The following GMDS variants were observed in gnomAD, a reference collection of about 807,000 sequenced individuals.
The protein encoded by GMDS is GDP-mannose 4,6 dehydratase.
In GMDS, 20 loss-of-function variants were observed where a neutral mutation model predicts 49.9. The observed-to-expected ratio is 0.40, with a 90% CI of 0.28 to 0.58. The LOEUF (loss-of-function observed/expected upper bound fraction) is 0.58, where lower values mean the gene tolerates loss of function less well. Among genes scored for constraint, GMDS ranks in the 20% least tolerant of loss-of-function variants. The probability of loss-of-function intolerance (pLI) is 0.42; values close to 1 mark genes in which losing one functional copy is unlikely to be tolerated. For missense variants in GMDS, 362 were observed against 481.4 expected, an observed-to-expected ratio of 0.75 and a Z score of 2.32; for synonymous variants, 177 against 178.6, an observed-to-expected ratio of 0.99 and a Z score of 0.07.
intron 1 of GMDS, among the ~76,000 whole-genome samples, chr6:2,229,308 A>G (rs1216138473): frequency 1.3e-5 from 2 of 151,414 alleles, no homozygotes; most frequent in Non-Finnish European, 2.9e-5. Flanking sequence ...ATGGTGATTC[A>G]TGCCTGTAAT....
At chr6:1,711,937 C>A (rs1765981474) in intron 9 of GMDS, among the ~76,000 whole-genome samples, 1 of 152,210 alleles carries the variant, frequency 6.6e-6, no homozygotes. Context: ...ACCAGCCGAA[C>A]ATGCCCCCCA....
chr6:2,119,638 G>A (rs746650658), intron 2 of GMDS, among the ~76,000 whole-genome samples: 3 of 152,118 alleles, frequency 2.0e-5, no homozygotes, highest in Non-Finnish European at 4.4e-5. Context: ...AAGGGATGTA[G>A]GTAGAGCTTT....
intron 4 of GMDS, among the ~76,000 whole-genome samples, chr6:2,057,508 T>A (rs576539333): frequency 6.6e-6 from 1 of 152,338 alleles, no homozygotes; most frequent in South Asian, 2.1e-4. Flanking sequence ...TAATGTTGAA[T>A]TACTCATGTC....
In GMDS at chr6:1,674,733, A is replaced by G. The variant is rs1361431905; in HGVS notation, c.988-50193T>C. Among the ~76,000 whole-genome samples, 14 of 147,874 alleles carry G rather than the reference A, an allele frequency of 9.5e-5. No individual in the cohort carries two copies. In the Admixed American group the frequency reaches 9.5e-4, roughly 10 times the overall value. Reference sequence around the variant, plus strand: ...CAGCTAATTTTTTTTTTTTTTTAATAGAGATGGATTTTTACCATGTTGCCC... The same window carrying G: ...CAGCTAATTTTTTTTTTTTTTTAATGGAGATGGATTTTTACCATGTTGCCC... On this transcript the variant is annotated intron_variant, in intron 9 of 10. Transcript: ENST00000380815.
chr6:2,134,022 A>G (rs2127520983), intron 1 of GMDS, among the ~76,000 whole-genome samples: 1 of 152,234 alleles, frequency 6.6e-6, no homozygotes, highest in East Asian at 1.9e-4. Flanking sequence ...CTGCCACCCA[A>G]AGAAGGTATC....
intron 7 of GMDS, among the ~76,000 whole-genome samples, chr6:1,896,923 G>A (rs572331170): frequency 6.6e-6 from 1 of 152,210 alleles, no homozygotes; most frequent in Non-Finnish European, 1.5e-5. Context: ...GGGAAGGACA[G>A]GGCTCACTGT....
chr6:1,747,533 G>A (rs1767557441), intron 7 of GMDS, among the ~76,000 whole-genome samples: 1 of 151,478 alleles, frequency 6.6e-6, no homozygotes, highest in Admixed American at 6.6e-5. Flanking sequence ...CGCATTTCAG[G>A]GGAGAACATG....
rs1387299159 is a variant in GMDS, at chr6:2,003,450, C to T, written c.346-42484G>A. Among the ~76,000 whole-genome samples, 3 of 152,102 alleles carry T rather than the reference C, an allele frequency of 2.0e-5. No homozygotes were observed. In the East Asian group the frequency reaches 5.8e-4, roughly 29 times the overall value. On this transcript the variant is annotated intron_variant, in intron 4 of 10. Transcript: ENST00000380815. Reference sequence around the variant, plus strand: ...TAGTGTAAACAATCTGCCCATTAAACCATAAATTTAGCAAGCACTTGTCAT... The same window carrying T: ...TAGTGTAAACAATCTGCCCATTAAATCATAAATTTAGCAAGCACTTGTCAT...
intron 7 of GMDS, among the ~76,000 whole-genome samples, chr6:1,797,031 G>A (rs1769763490): frequency 6.6e-6 from 1 of 152,164 alleles, no homozygotes; most frequent in African/African-American, 2.4e-5. Context: ...CCCAGGCCAG[G>A]GACCAGTACC....
chr6:2,158,894 T>C (rs780069412), intron 1 of GMDS, among the ~76,000 whole-genome samples: 1 of 152,232 alleles, frequency 6.6e-6, no homozygotes, highest in South Asian at 2.1e-4. Context: ...GCCAAGTTCT[T>C]AGCTGTTTTT....
At chr6:1,772,111 T>C (rs1768602736) in intron 7 of GMDS, among the ~76,000 whole-genome samples, 2 of 152,238 alleles carry the variant, frequency 1.3e-5, no homozygotes, top group Admixed American at 6.5e-5. Flanking sequence ...TGTCCAAGTA[T>C]ACACTGCCCT....
intron 4 of GMDS, among the ~76,000 whole-genome samples, chr6:2,018,580 T>C (rs1419568325): frequency 6.6e-6 from 1 of 152,202 alleles, no homozygotes; most frequent in Non-Finnish European, 1.5e-5. Context: ...TTCATATTAA[T>C]GGAATCATAA....
intron 9 of GMDS, among the ~76,000 whole-genome samples, chr6:1,668,571 G>A (rs1160341965): frequency 6.6e-6 from 1 of 152,104 alleles, no homozygotes; most frequent in Middle Eastern, 3.2e-3. Flanking sequence ...TTAGCTGGGT[G>A]TGGTGGTGCA....
intron 1 of GMDS, among the ~76,000 whole-genome samples, chr6:2,212,062 AG>A (rs1250625297): frequency 7.2e-5 from 11 of 152,248 alleles, no homozygotes; most frequent in South Asian, 2.1e-4. Flanking sequence ...TTAATGTCAT[AG>A]TACCTATTTG....
intron 7 of GMDS, among the ~76,000 whole-genome samples, chr6:1,795,227 C>A (rs1244859834): frequency 6.6e-6 from 1 of 152,058 alleles, no homozygotes; most frequent in East Asian, 1.9e-4. Flanking sequence ...TCATCATCAT[C>A]AAAAATGAAT....
At chr6:1,704,430 G>A (rs1178915572) in intron 9 of GMDS, among the ~76,000 whole-genome samples, 1 of 152,146 alleles carries the variant, frequency 6.6e-6, no homozygotes, top group African/African-American at 2.4e-5. Context: ...GAGCAAGAGC[G>A]TGTCTGTGAG....
intron 1 of GMDS, among the ~76,000 whole-genome samples, chr6:2,202,807 G>C (rs765442520): frequency 3.3e-5 from 5 of 152,144 alleles, no homozygotes; most frequent in African/African-American, 7.2e-5. Flanking sequence ...CCTGGTTCTG[G>C]ACCACAGTGG....
intron 1 of GMDS, among the ~76,000 whole-genome samples, chr6:2,240,626 G>C (rs904050788): frequency 7.0e-6 from 1 of 142,434 alleles, no homozygotes; most frequent in Non-Finnish European, 1.5e-5. Flanking sequence ...AAAAAGAAAA[G>C]AAAAAGAAAA....
chr6:1,788,478 T>C (rs530189563), intron 7 of GMDS, among the ~76,000 whole-genome samples: 2 of 152,284 alleles, frequency 1.3e-5, no homozygotes, highest in Non-Finnish European at 2.9e-5. Context: ...GGCAGAAATG[T>C]CTGGGAAGAT....
Sources: gnomAD v4.1 joint callset for allele counts (sites outside exome capture counted in the v4.1 genomes callset) on GRCh38, gnomAD v4.1.1 for gene constraint, MANE v1.5 for transcripts, NCBI Gene and HGNC (gene_info 2026-07-23, HGNC 2026-07-21) for gene names.